Variants in FRMPD4 observed in about 807,000 individuals in gnomAD.
FRMPD4 encodes FERM and PDZ domain-containing protein 4.
FRMPD4 carries 22 observed loss-of-function variants against 94.1 expected under a neutral mutation model. That is an observed-to-expected ratio of 0.23 (90% CI 0.17 to 0.33). The LOEUF (loss-of-function observed/expected upper bound fraction) is 0.33. Among genes scored for constraint, FRMPD4 ranks in the 10% least tolerant of loss-of-function variants. FRMPD4 has a pLI of 1.00. For synonymous variants in FRMPD4, 631 were observed against 548.6 expected, an observed-to-expected ratio of 1.15 and a Z score of -2.10; for missense variants, 1,111 against 1,339.9, an observed-to-expected ratio of 0.83 and a Z score of 2.67.
At chrX:12,525,644 T>C (rs1178434154) in intron 2 of FRMPD4, among the ~76,000 whole-genome samples, 2 of 112,620 alleles carry the variant, frequency 1.8e-5, no homozygotes, top group Admixed American at 1.9e-4. Context: ...GAACATATTC[T>C]TTTTTATTTT....
chrX:12,717,246 T>C, intron 15 of FRMPD4, 113 bp downstream of exon 15: 1 of 501,807 alleles, frequency 2.0e-6, no homozygotes, highest in South Asian at 3.7e-5. Flanking sequence ...ACATGTCCCA[T>C]TTCATAAATG....
chrX:12,624,462 A>C (rs1344218533), intron 4 of FRMPD4, among the ~76,000 whole-genome samples: 1 of 111,874 alleles, frequency 8.9e-6, no homozygotes, highest in Non-Finnish European at 1.9e-5. Context: ...TATTATAACT[A>C]TAAGGTGTTT....
At chrX:12,042,990 A>G (rs1481621399) in intron 3 of FRMPD4, among the ~76,000 whole-genome samples, 1 of 111,925 alleles carries the variant, frequency 8.9e-6, no homozygotes, top group Non-Finnish European at 1.9e-5. Flanking sequence ...CTACTGAACC[A>G]GACAGTGGGG....
At chrX:12,165,330 T>C (rs935779655) in intron 1 of FRMPD4, among the ~76,000 whole-genome samples, 1 of 112,377 alleles carries the variant, frequency 8.9e-6, no homozygotes, top group African/African-American at 3.2e-5. Context: ...TGCTTGTTTT[T>C]GTCAGGTTTG....
chrX:12,400,966 T>C (rs1427699494), intron 1 of FRMPD4, among the ~76,000 whole-genome samples: 2 of 112,037 alleles, frequency 1.8e-5, no homozygotes, highest in African/African-American at 6.5e-5. Flanking sequence ...AGTAACTAAA[T>C]TGCATGCCCC....
At chrX:12,136,294 G>GC (rs2055595281), upstream of FRMPD4, among the ~76,000 whole-genome samples, 1 of 106,137 alleles carries the variant, frequency 9.4e-6, no homozygotes, top group South Asian at 4.3e-4. Context: ...AAAGATCCCA[G>GC]CCCTTGTGGA....
chrX:12,175,608 A>G (rs1486449123), intron 1 of FRMPD4, among the ~76,000 whole-genome samples: 5 of 112,083 alleles, frequency 4.5e-5, no homozygotes, highest in African/African-American at 1.6e-4. Context: ...CAACCTCCAC[A>G]GTTCAAGCGA....
chrX:12,654,600 G>C (rs2059633459), intron 4 of FRMPD4, among the ~76,000 whole-genome samples: 1 of 111,941 alleles, frequency 8.9e-6, no homozygotes. Context: ...AGAGAGTCAT[G>C]AGATGGAAGT....
At chrX:12,256,308 C>T (rs929506510) in intron 1 of FRMPD4, among the ~76,000 whole-genome samples, 1 of 111,802 alleles carries the variant, frequency 8.9e-6, no homozygotes, top group Non-Finnish European at 1.9e-5. Context: ...CAGGAGAAGA[C>T]AGTAGATTAA....
chrX:12,601,842 G>T (rs111338567), intron 2 of FRMPD4, among the ~76,000 whole-genome samples: 2,797 of 111,230 alleles, frequency 0.025, 81 homozygotes, highest in African/African-American at 0.087. Context: ...GCCTTGCCGG[G>T]CATCCCACCA....
intron 2 of FRMPD4, among the ~76,000 whole-genome samples, chrX:12,570,941 C>T (rs1272280119): frequency 1.8e-5 from 2 of 112,249 alleles, no homozygotes; most frequent in Non-Finnish European, 3.8e-5. Flanking sequence ...TGGAATTTCC[C>T]ACTTAATATT....
intron 3 of FRMPD4, among the ~76,000 whole-genome samples, chrX:12,125,454 A>G (rs1180542829): frequency 8.9e-6 from 1 of 111,741 alleles, no homozygotes; most frequent in Non-Finnish European, 1.9e-5. Flanking sequence ...TTTTCTCACC[A>G]AGTAATCTTT....
At chrX:12,480,333 G>GAAAAAAAAAAAAAAAAAA (rs35074731) in intron 1 of FRMPD4, among the ~76,000 whole-genome samples, 9 of 54,643 alleles carry the variant, frequency 1.6e-4, no homozygotes, top group Non-Finnish European at 2.5e-4. Context: ...GAAAAGAAAT[G>GAAAAAAAAAAAAAAAAAA]AAAAAAAAAA....
At chrX:12,447,834 GTCCCTT>G (rs2057217570) in intron 1 of FRMPD4, among the ~76,000 whole-genome samples, 1 of 112,064 alleles carries the variant, frequency 8.9e-6, no homozygotes, top group Admixed American at 9.4e-5. Flanking sequence ...CTCTGTTAAG[GTCCCTT>G]AATTCTCACT....
At chrX:12,078,061 C>A (rs772034674) in intron 3 of FRMPD4, among the ~76,000 whole-genome samples, 1 of 111,626 alleles carries the variant, frequency 9.0e-6, no homozygotes, top group African/African-American at 3.3e-5. Flanking sequence ...GATCTTCCTC[C>A]AAGTTCCCTC....
At position 12,722,774 on chromosome X, in the gene FRMPD4, T is replaced by C. The variant is rs754856486; in HGVS notation, c.*916T>C. 6.3e-5 allele frequency: 7 copies of C among 111,908 alleles called. No individual in the cohort carries two copies. The highest frequency in any genetic ancestry group is 4.6e-3 in the Middle Eastern group (1 of 216). The allele number at this position is 111,908 out of a possible 1,213,427, so 9.2% of individuals were successfully genotyped here. ...AAACTTAAAATTCCCTTTAGAGTGA[T>C]AGGACATTTAGTAAAGTATTTGCAA... is the stretch of plus-strand genomic sequence containing the variant. On this transcript the variant is annotated 3_prime_UTR_variant, in exon 17 of 17. Coordinates refer to ENST00000675598, the MANE Select transcript of FRMPD4 (RefSeq NM_001368397.1).
intron 4 of FRMPD4, among the ~76,000 whole-genome samples, chrX:12,642,967 A>G (rs2059513601): frequency 8.9e-6 from 1 of 111,833 alleles, no homozygotes; most frequent in Non-Finnish European, 1.9e-5. Flanking sequence ...CTCTATGACT[A>G]TAGAGTAGAG....
chrX:12,159,635 T>C (rs2055990750), intron 1 of FRMPD4, among the ~76,000 whole-genome samples: 1 of 111,998 alleles, frequency 8.9e-6, no homozygotes, highest in Non-Finnish European at 1.9e-5. Context: ...TTGGAGAAGA[T>C]TTGGAAGATA....
In FRMPD4 at chrX:11,922,695, A is replaced by C. The variant is rs779708771; in HGVS notation, c.95+44677A>C. On this transcript the variant is annotated intron_variant, in intron 3 of 18. Transcript: ENST00000640291. ...CACCACAGCCACTTGAGGTGGCAGG[A>C]AGAGCTGCTTAGAGAAGTGGTGGGA... is the stretch of plus-strand genomic sequence containing the variant. Among the ~76,000 whole-genome samples, 6 of 112,734 alleles carry C rather than the reference A, an allele frequency of 5.3e-5. No homozygotes were observed. The East Asian group carries it at 1.4e-3, about 26-fold the overall frequency.
Sources: gnomAD v4.1 joint callset for allele counts (sites outside exome capture counted in the v4.1 genomes callset) on GRCh38, gnomAD v4.1.1 for gene constraint, MANE v1.5 for transcripts, NCBI Gene and HGNC (gene_info 2026-07-23, HGNC 2026-07-21) for gene names.